The following RNF31 variants were observed in gnomAD, a reference collection of about 807,000 sequenced individuals.
RNF31 encodes ring finger protein 31.
In RNF31, 38 loss-of-function variants were observed where a neutral mutation model predicts 133.6. The ratio of observed to expected loss-of-function variants is 0.28; its 90% confidence interval spans 0.22 to 0.37. RNF31 has a LOEUF of 0.37. Among genes scored for constraint, RNF31 ranks in the 10% least tolerant of loss-of-function variants. The pLI is 1.00. For missense variants in RNF31, 1,118 were observed against 1,394.1 expected (o/e 0.80, Z 3.15); for synonymous variants, 582 against 552.3 (o/e 1.05, Z -0.75).
chr14:24,149,718 T>A (rs2038233979), intron 6 of RNF31, 135 bp downstream of exon 6: 1 of 915,676 alleles, frequency 1.1e-6, no homozygotes, highest in Non-Finnish European at 1.6e-6. Flanking sequence ...CTGAAAGAGA[T>A]AATAGACATA....
Position 24,148,641 on chromosome 14 carries a change from G to T in RNF31, c.496-1G>T. On this transcript the variant is annotated splice_acceptor_variant, in intron 3 of 20. Transcript: ENST00000324103. LOFTEE classifies it high-confidence loss of function. ...AACCGTTTTTATCTGTATTATTGCA[G>T]AATACTCATCCAAGACAGCAGGCAC... 6.2e-7 allele frequency: 1 copy of T among 1,614,112 alleles called. No homozygotes were observed. Among genetic ancestry groups the T allele is most frequent in the Non-Finnish European group, 8.5e-7 (1 of 1,179,966 alleles).
At chr14:24,152,013 C>G in intron 11 of RNF31, 21 bp downstream of exon 11, 1 of 1,609,660 alleles carries the variant, frequency 6.2e-7, no homozygotes, top group Non-Finnish European at 8.5e-7. Flanking sequence ...CCCCACGATA[C>G]CTGGTCCAAG....
At chr14:24,149,980 A>G (rs2038237943) in intron 6 of RNF31, 81 bp from the exon 7 acceptor site, 2 of 1,478,514 alleles carry the variant, frequency 1.4e-6, no homozygotes, top group Non-Finnish European at 1.8e-6. Flanking sequence ...GTTGTTACCC[A>G]GGAAATGGAG....
rs764173735 is a variant in RNF31 at position 24,147,715 on chromosome 14, A to C, written c.17A>C (p.Glu6Ala). 3 of 1,530,182 alleles carry C rather than the reference A, an allele frequency of 2.0e-6. No individual in the cohort carries two copies. The highest frequency in any genetic ancestry group is 2.6e-6 in the Non-Finnish European group (3 of 1,144,558). The allele number at this position is 1,530,182 out of a possible 1,614,324, so 94.8% of individuals were successfully genotyped here. Reference sequence around the variant, plus strand: ...TGCCTCAGGATGCCGGGGGAGGAAGAGGAGCGGGCCTTCCTGGTGGCCCGC... The same window carrying C: ...TGCCTCAGGATGCCGGGGGAGGAAGCGGAGCGGGCCTTCCTGGTGGCCCGC... MPGEEEERAFLVAREE... is the reference protein window; with the variant it reads MPGEEAERAFLVAREE... Residue 6 changes from glutamate to alanine, a missense_variant, in exon 1 of 21, where the codon GAG (glutamate) becomes GCG (alanine). By Grantham distance (107) the Glu-to-Ala change is moderately radical (BLOSUM62 -1). Transcript: ENST00000324103.
At chr14:24,157,758 A>G (rs1279924559) in intron 16 of RNF31, 120 bp downstream of exon 16, 9 of 1,096,558 alleles carry the variant, frequency 8.2e-6, no homozygotes, top group Non-Finnish European at 1.2e-5. Flanking sequence ...GTAAAGCACA[A>G]CTCTCTGTCC....
chr14:24,150,133 C>A lies in RNF31; in HGVS notation c.882C>A (p.Ser294=), dbSNP rs201624173. Residue 294 remains serine, a synonymous_variant, in exon 7 of 21, where the codon TCC becomes TCA. Coordinates refer to ENST00000324103, the MANE Select transcript of RNF31 (RefSeq NM_017999.5). The part of the protein sequence containing the change: ...LLALGDSSLS[S]PNPASAHLPW... ...CCCTGGGAGACAGCTCTCTTTCTTC[C>A]CCTAATCCTGCAAGTGCTCATTTGC... 3.7e-6 allele frequency: 6 copies of A among 1,612,166 alleles called. No individual in the cohort carries two copies. The Admixed American group carries it at 5.0e-5, about 13-fold the overall frequency.
intron 18 of RNF31, among the ~76,000 whole-genome samples, chr14:24,159,567 A>G (rs1291412245): frequency 6.7e-6 from 1 of 148,490 alleles, no homozygotes; most frequent in Non-Finnish European, 1.5e-5. Context: ...TTAACTAGTC[A>G]AGAGATAAAT....
chr14:24,158,290 A>C (rs2038377590), intron 18 of RNF31, 91 bp downstream of exon 18: 1 of 1,245,846 alleles, frequency 8.0e-7, no homozygotes, highest in Admixed American at 1.9e-5. Flanking sequence ...GTCTGGGGTC[A>C]CTTGTTGCAT....
At chr14:24,152,810 G>A (rs763143135) in intron 11 of RNF31, among the ~76,000 whole-genome samples, 4 of 152,180 alleles carry the variant, frequency 2.6e-5, no homozygotes, top group Non-Finnish European at 4.4e-5. Flanking sequence ...GGCTGGGCGC[G>A]GTGGCTCACG....
rs1485416813 is a variant in RNF31 at position 24,151,580 on chromosome 14, G to C, written c.1833G>C (p.Glu611Asp). 3.1e-6 allele frequency: 5 copies of C among 1,614,012 alleles called. No individual in the cohort carries two copies. The highest frequency in any genetic ancestry group is 4.2e-6 in the Non-Finnish European group (5 of 1,180,044). Residue 611 changes from glutamate to aspartate, a missense_variant, in exon 10 of 21, where the codon GAG becomes GAC. Physicochemically the swap from Glu to Asp is conservative, Grantham distance 45. This residue lies in a region of RNF31 where 747 missense variants were observed against 827.9 expected (regional missense o/e 0.90). Transcript: ENST00000324103. The surrounding 1 kb of genome is among the most constrained non-coding windows in gnomAD (Gnocchi z 5.3). ...GTGATGTGTCACGGGCCCTGACTGA[G>C]CTACAGCGCCAACGCCTAGAGCCCT... Reference protein sequence around the residue: ...HGGDVSRALTELQRQRLEPFR... With the variant: ...HGGDVSRALTDLQRQRLEPFR...
At chr14:24,148,934 A>T (rs1194478191) in intron 5 of RNF31, 58 bp downstream of exon 5, 6 of 1,379,904 alleles carry the variant, frequency 4.3e-6, no homozygotes, top group Admixed American at 1.7e-5. Flanking sequence ...GAAATTTGGG[A>T]TGCTCCTCTG....
chr14:24,147,599 T>C lies in RNF31; in HGVS notation c.-100T>C. Reference sequence around the variant, plus strand: ...GCGGCTGCGTGGGCCGGGGTGGGCCTCAAAGCCGGGCACCAGACGGGAGGG... The same window carrying C: ...GCGGCTGCGTGGGCCGGGGTGGGCCCCAAAGCCGGGCACCAGACGGGAGGG... On this transcript the variant is annotated 5_prime_UTR_variant, in exon 1 of 21. Coordinates refer to ENST00000324103, the MANE Select transcript of RNF31 (RefSeq NM_017999.5). The C allele has an allele frequency of 8.6e-7, 1 of 1,160,464 alleles. No individual in the cohort carries two copies. The highest frequency in any genetic ancestry group is 1.1e-6 in the Non-Finnish European group (1 of 888,374). 71.9% of individuals were successfully genotyped at this position (1,160,464 alleles called of 1,614,324 possible).
upstream of RNF31, chr14:24,147,018 C>A: frequency 4.4e-6 from 1 of 227,210 alleles, no homozygotes; most frequent in Non-Finnish European, 8.9e-6. Flanking sequence ...GGAGGGGCAG[C>A]CAGAGGGAGC....
In RNF31 at chr14:24,160,026, G is replaced by C. The variant is rs2038421275; in HGVS notation, c.2996+66G>C. ...GTAGAAGTGGTGAGGGCATGCCCAG[G>C]CAGTAAAATGGGTCCTTGGGAGCAG... On this transcript the variant is annotated intron_variant, in intron 19 of 20. Transcript: ENST00000324103. This position sits in a 1 kb window ranked among gnomAD's most constrained non-coding sequence, Gnocchi z 4.0. 6.7e-7 allele frequency: 1 copy of C among 1,491,378 alleles called. No homozygotes were observed. The highest frequency in any genetic ancestry group is 1.4e-5 in the African/African-American group (1 of 72,688). The allele number at this position is 1,491,378 out of a possible 1,614,324, so 92.4% of individuals were successfully genotyped here.
intron 1 of RNF31, 33 bp from the exon 2 acceptor site, chr14:24,147,943 A>G: frequency 6.2e-7 from 1 of 1,613,892 alleles, no homozygotes; most frequent in Non-Finnish European, 8.5e-7. Context: ...GGCCCAGGCC[A>G]CGCTCACACC....
chr14:24,148,069 C>G lies in RNF31; in HGVS notation c.286C>G (p.Arg96Gly). Residue 96 changes from arginine (R) to glycine (G), a missense_variant, in exon 2 of 21, where the codon CGT becomes GGT. By Grantham distance (125) the Arg-to-Gly change is moderately radical. Coordinates refer to ENST00000324103, the MANE Select transcript of RNF31 (RefSeq NM_017999.5). The stretch of plus-strand genomic sequence containing the variant: ...CAGCCCTCAGCGGCCTCGGTACTGG[C>G]GTGGTGTCAAGTTTAATAACCCTGT... Reference protein sequence around the residue: ...LLSPQRPRYWRGVKFNNPVFR... With the variant: ...LLSPQRPRYWGGVKFNNPVFR... 6.2e-7 allele frequency: 1 copy of G among 1,614,208 alleles called. No individual in the cohort carries two copies. The highest frequency in any genetic ancestry group is 8.5e-7 in the Non-Finnish European group (1 of 1,180,036).
intron 18 of RNF31, chr14:24,159,644 C>A (rs1243742936): frequency 7.7e-6 from 3 of 389,380 alleles, no homozygotes; most frequent in African/African-American, 4.2e-5. Context: ...GAGCCAAAAG[C>A]CAGCTTGGAT....
chr14:24,154,981 C>G, intron 11 of RNF31, 176 bp from the exon 12 acceptor site: 2 of 615,028 alleles, frequency 3.3e-6, no homozygotes, highest in Non-Finnish European at 5.7e-6. Flanking sequence ...TTCCTCCACC[C>G]GACTGTCTTC....
At chr14:24,157,724 G>T in intron 16 of RNF31, 86 bp downstream of exon 16, 1 of 1,260,802 alleles carries the variant, frequency 7.9e-7, no homozygotes. Flanking sequence ...AGTGGCCCCG[G>T]GGAAGAGAAG....
Sources: allele counts gnomAD v4.1 joint callset (sites outside exome capture counted in the v4.1 genomes callset), GRCh38; gene constraint gnomAD v4.1.1; regional missense constraint gnomAD v4.1.1; non-coding constraint Gnocchi (gnomAD v3.1); transcripts MANE v1.5; gene names NCBI Gene and HGNC (gene_info 2026-07-23, HGNC 2026-07-21).